The following ABR variants were observed in gnomAD, a reference collection of about 807,000 sequenced individuals.
ABR encodes the protein ABR activator of RhoGEF and GTPase, also known as active breakpoint cluster region-related protein.
ABR carries 35 observed loss-of-function variants against 107.2 expected under a neutral mutation model. The ratio of observed to expected loss-of-function variants is 0.33; its 90% CI spans 0.25 to 0.43. The LOEUF is 0.43. ABR is among the 20% of genes least tolerant of loss of function. The probability of loss-of-function intolerance (pLI) is 1.00; values close to 1 mark genes in which losing one functional copy is unlikely to be tolerated. For missense variants in ABR, 815 were observed against 1,115.2 expected (o/e 0.73, Z 3.83); for synonymous variants, 498 against 462.0 (o/e 1.08, Z -1.00).
At chr17:1,208,038 TG>T (rs2042829919) in intron 1 of ABR, among the ~76,000 whole-genome samples, 1 of 152,164 alleles carries the variant, frequency 6.6e-6, no homozygotes, top group South Asian at 2.1e-4. Flanking sequence ...CCCAAAGTGC[TG>T]GGATTACAGG....
chr17:1,139,418 AT>A (rs2040205958), intron 1 of ABR, among the ~76,000 whole-genome samples: 1 of 151,698 alleles, frequency 6.6e-6, no homozygotes. Context: ...TGCCCGGCTA[AT>A]TTTTTTGTAT....
At chr17:1,201,070 G>A (rs1287210883) in intron 1 of ABR, among the ~76,000 whole-genome samples, 1 of 152,196 alleles carries the variant, frequency 6.6e-6, no homozygotes, top group Non-Finnish European at 1.5e-5. Context: ...TGGATTCAGG[G>A]CCCAAGCCCC....
chr17:1,176,906 A>C (rs4968174), intron 1 of ABR, among the ~76,000 whole-genome samples: 77,664 of 151,548 alleles, frequency 0.51, 20,027 homozygotes, highest in East Asian at 0.59. Flanking sequence ...AGAGAAAGTG[A>C]CTATCCCAGT....
At position 1,157,700 on chromosome 17, in the gene ABR, C is replaced by T. The variant is rs918962190; in HGVS notation, c.61+21967G>A. On this transcript the variant is annotated intron_variant, in intron 1 of 22. Transcript: ENST00000302538. The surrounding 1 kb of genome is among the most constrained non-coding windows in gnomAD (Gnocchi z 4.7). The stretch of plus-strand genomic sequence containing the variant: ...ATCCCGGCAGATGAAGGAAAGGAAC[C>T]GGCAGGCACACCGCTCTCACGCCAA... Among the ~76,000 whole-genome samples, 5 of 152,186 alleles carry T rather than the reference C, an allele frequency of 3.3e-5. No individual in the cohort carries two copies. Among genetic ancestry groups the T allele is most frequent in the African/African-American group, 1.2e-4 (5 of 41,452 alleles).
chr17:1,133,385 A>G (rs75110752), intron 1 of ABR, among the ~76,000 whole-genome samples: 3,578 of 152,274 alleles, frequency 0.023, 71 homozygotes, highest in Admixed American at 0.071. Context: ...ATAAAAATAA[A>G]GTTGTAAGTC....
chr17:1,128,601 A>G (rs1278931896), intron 1 of ABR, among the ~76,000 whole-genome samples: 1 of 152,204 alleles, frequency 6.6e-6, no homozygotes, highest in South Asian at 2.1e-4. Flanking sequence ...CACTATCCAC[A>G]CTGCCCTTGT....
chr17:1,113,708 C>T (rs1307912978), intron 2 of ABR, among the ~76,000 whole-genome samples: 1 of 152,176 alleles, frequency 6.6e-6, no homozygotes, highest in Non-Finnish European at 1.5e-5. Flanking sequence ...CGTTCCCAAT[C>T]GTGGCACTTC....
chr17:1,007,462 G>T, intron 21 of ABR, 150 bp from the exon 22 acceptor site: 1 of 929,956 alleles, frequency 1.1e-6, no homozygotes, highest in Non-Finnish European at 1.6e-6. Context: ...CCTCCCCCGG[G>T]GGAAGGGGAC....
chr17:1,204,396 G>C (rs11653004), intron 1 of ABR, among the ~76,000 whole-genome samples: 51,438 of 152,142 alleles, frequency 0.34, 10,473 homozygotes, highest in Non-Finnish European at 0.48. Context: ...AGTGAGCCGA[G>C]ATTGCGCCAC....
At chr17:1,018,840 G>C (rs1191976617) in intron 16 of ABR, among the ~76,000 whole-genome samples, 2 of 152,188 alleles carry the variant, frequency 1.3e-5, no homozygotes, top group Non-Finnish European at 2.9e-5. Context: ...GATCATGATA[G>C]CAGACATATG....
chr17:1,201,966 C>G (rs540073252), intron 1 of ABR, among the ~76,000 whole-genome samples: 1 of 152,226 alleles, frequency 6.6e-6, no homozygotes, highest in East Asian at 1.9e-4. Flanking sequence ...CGTGAGCCAC[C>G]GCGCCCATCC....
intron 16 of ABR, among the ~76,000 whole-genome samples, chr17:1,018,290 C>T (rs1006644031): frequency 1.3e-5 from 2 of 152,186 alleles, no homozygotes; most frequent in Non-Finnish European, 2.9e-5. Context: ...GATTCGCCCA[C>T]CTCGGCCTCC....
chr17:1,076,433 G>A (rs1378956761), intron 6 of ABR, among the ~76,000 whole-genome samples: 1 of 152,048 alleles, frequency 6.6e-6, no homozygotes, highest in African/African-American at 2.4e-5. Flanking sequence ...AAATCACACT[G>A]GAGAACCCCA....
At chr17:1,043,609 C>T (rs1347107431) in intron 16 of ABR, among the ~76,000 whole-genome samples, 2 of 152,224 alleles carry the variant, frequency 1.3e-5, no homozygotes, top group South Asian at 4.1e-4. Context: ...CTCACTCTAG[C>T]CTCCTTAGCC....
intron 1 of ABR, among the ~76,000 whole-genome samples, chr17:1,158,883 T>C (rs1428963911): frequency 6.6e-6 from 1 of 152,086 alleles, no homozygotes; most frequent in African/African-American, 2.4e-5. Flanking sequence ...ATCTCCTGCC[T>C]CCCAGTGCAG....
upstream of ABR, among the ~76,000 whole-genome samples, chr17:1,181,609 A>G (rs1417507514): frequency 1.3e-5 from 2 of 152,076 alleles, no homozygotes; most frequent in East Asian, 1.9e-4. Context: ...TGCATCTCCA[A>G]TGAGACGCTC....
rs1470053779 is a variant in ABR, at chr17:1,037,778, TTC to T, written c.1791+12270_1791+12271del. ...TGGGGTCGCCGAGCCTCCCTGCTCT[TTC>T]TTCATTCTGGATTCCCGAACACCTC... On this transcript the variant is annotated intron_variant, in intron 16 of 22. Coordinates refer to ENST00000302538, the MANE Select transcript of ABR (RefSeq NM_021962.5). This position sits in a 1 kb window ranked among gnomAD's most constrained non-coding sequence, Gnocchi z 4.6. Among the ~76,000 whole-genome samples, 1 of 152,030 alleles carries T rather than the reference TTC, an allele frequency of 6.6e-6. No individual in the cohort carries two copies. The highest frequency in any genetic ancestry group is 2.4e-5 in the African/African-American group (1 of 41,374).
chr17:1,033,969 A>AT (rs560978094), intron 16 of ABR, among the ~76,000 whole-genome samples: 6,117 of 124,554 alleles, frequency 0.049, 241 homozygotes, highest in African/African-American at 0.096. Context: ...CACTCATGTC[A>AT]TTTTTTTTTT....
At chr17:1,054,619 TCAGGG>T (rs2033025587) in intron 14 of ABR, among the ~76,000 whole-genome samples, 1 of 18,774 alleles carries the variant, frequency 5.3e-5, no homozygotes, top group Non-Finnish European at 8.8e-5. Context: ...ACAAGGAACC[TCAGGG>T]GATGTGGGCA....
Sources: gnomAD v4.1 joint callset for allele counts (sites outside exome capture counted in the v4.1 genomes callset) on GRCh38, gnomAD v4.1.1 for gene constraint, Gnocchi (gnomAD v3.1) non-coding constraint, MANE v1.5 for transcripts, NCBI Gene and HGNC (gene_info 2026-07-23, HGNC 2026-07-21) for gene names.